The following LARGE1 variants were observed in gnomAD, a reference collection of about 807,000 sequenced individuals.
The protein encoded by LARGE1 is xylosyl- and glucuronyltransferase LARGE1.
In LARGE1, 43 loss-of-function variants were observed where a neutral mutation model predicts 87.6. That is an observed-to-expected ratio of 0.49 (90% confidence interval 0.38 to 0.63). The LOEUF is 0.63. Among genes scored for constraint, LARGE1 ranks in the 30% least tolerant of loss-of-function variants. The pLI is 0.00. For synonymous variants in LARGE1, 434 were observed against 394.6 expected (o/e 1.10, Z -1.18); for missense variants, 802 against 1,000.2 (o/e 0.80, Z 2.67).
intron 6 of LARGE1, among the ~76,000 whole-genome samples, chr22:33,449,137 T>C (rs1336219823): frequency 6.6e-6 from 1 of 152,208 alleles, no homozygotes; most frequent in East Asian, 1.9e-4. Context: ...TACCATAATT[T>C]GAGTGGAATC....
At position 33,183,620 on chromosome 22, in the gene LARGE1, G is replaced by GCACACACACACACACA. The variant is rs56262703; in HGVS notation, c.1731-16804_1731-16789dup. Among the ~76,000 whole-genome samples, 156 of 137,908 alleles carry GCACACACACACACACA rather than the reference G, an allele frequency of 1.1e-3. 1 individual carries two copies. Among genetic ancestry groups the GCACACACACACACACA allele is most frequent in the African/African-American group, 4.5e-3 (152 of 34,120 alleles). The allele number at this position is 137,908 out of a possible 152,430, so 90.5% of individuals were successfully genotyped here. ...GGATAAAACACACACACACACACAC[G>GCACACACACACACACA]CACACACACACACACACACACACAC... On this transcript the variant is annotated intron_variant, in intron 11 of 11. Transcript: ENST00000608642.
intron 1 of LARGE1, among the ~76,000 whole-genome samples, chr22:33,833,799 T>G (rs1362551707): frequency 6.6e-6 from 1 of 152,222 alleles, no homozygotes; most frequent in Non-Finnish European, 1.5e-5. Flanking sequence ...ACGATTCTCC[T>G]GCCTCAGCCT....
intron 1 of LARGE1, among the ~76,000 whole-genome samples, chr22:33,840,087 C>T (rs1172851719): frequency 1.3e-5 from 2 of 152,054 alleles, no homozygotes; most frequent in Non-Finnish European, 1.5e-5. Flanking sequence ...CTATGTAAAC[C>T]AACACAGGAA....
intron 11 of LARGE1, among the ~76,000 whole-genome samples, chr22:33,213,249 G>A (rs1401894556): frequency 6.6e-6 from 1 of 152,154 alleles, no homozygotes; most frequent in Non-Finnish European, 1.5e-5. Context: ...TGGATAACGC[G>A]TTGCTTCTTA....
chr22:33,576,915 T>C (rs1366389596), intron 5 of LARGE1, among the ~76,000 whole-genome samples: 2 of 152,214 alleles, frequency 1.3e-5, no homozygotes, highest in Non-Finnish European at 2.9e-5. Context: ...TCAGTTCAGG[T>C]GTAACCCATC....
chr22:33,501,532 C>T (rs1391421708), intron 6 of LARGE1, among the ~76,000 whole-genome samples: 1 of 152,186 alleles, frequency 6.6e-6, no homozygotes, highest in East Asian at 1.9e-4. Context: ...CCTGAAACTG[C>T]CCACTGGCAG....
Position 33,872,359 on chromosome 22 carries a change from C to CTATTATTATTAT in LARGE1, c.-83+47624_-83+47635dup, listed in dbSNP as rs3072360. 2.6e-4 allele frequency among the ~76,000 whole-genome samples: 37 copies of CTATTATTATTAT among 142,788 alleles called. No individual in the cohort carries two copies. In the East Asian group the frequency reaches 2.9e-3, roughly 11 times the overall value. The allele number at this position is 142,788 out of a possible 152,430, so 93.7% of individuals were successfully genotyped here. On this transcript the variant is annotated intron_variant, in intron 1 of 14. Coordinates refer to ENST00000397394, the MANE Select transcript of LARGE1 (RefSeq NM_133642.5). ...AGAGCAGACACGCAGTAAATGCTAT[C>CTATTATTATTAT]TATTATTATTATTATTATTATTATT...
chr22:33,438,965 C>G (rs929420233), intron 6 of LARGE1, among the ~76,000 whole-genome samples: 4 of 152,094 alleles, frequency 2.6e-5, no homozygotes, highest in Admixed American at 2.0e-4. Context: ...AATCCCAGCA[C>G]TTTGGGAGGC....
intron 11 of LARGE1, among the ~76,000 whole-genome samples, chr22:33,230,162 C>T (rs1925937166): frequency 6.6e-6 from 1 of 151,856 alleles, no homozygotes; most frequent in Admixed American, 6.6e-5. Context: ...CAGGAGTGCA[C>T]CACCACGCCC....
At chr22:33,547,482 C>A (rs2077393917) in intron 6 of LARGE1, among the ~76,000 whole-genome samples, 1 of 152,104 alleles carries the variant, frequency 6.6e-6, no homozygotes, top group South Asian at 2.1e-4. Flanking sequence ...GGTTTGGGAA[C>A]CCCTGGTCTA....
chr22:33,501,809 G>T (rs1283859880), intron 6 of LARGE1, among the ~76,000 whole-genome samples: 1 of 152,164 alleles, frequency 6.6e-6, no homozygotes, highest in Admixed American at 6.5e-5. Context: ...TGACATGGAC[G>T]TTAGCTACAC....
intron 2 of LARGE1, among the ~76,000 whole-genome samples, chr22:33,709,786 C>G (rs975315521): frequency 2.0e-5 from 3 of 151,766 alleles, no homozygotes; most frequent in African/African-American, 7.3e-5. Context: ...CCACCAAGCC[C>G]AGCTAATTTT....
intron 2 of LARGE1, among the ~76,000 whole-genome samples, chr22:33,671,354 C>T (rs2081407190): frequency 6.6e-6 from 1 of 152,162 alleles, no homozygotes; most frequent in African/African-American, 2.4e-5. Context: ...TAGAGAATGG[C>T]CTGCAATTAC....
intron 7 of LARGE1, among the ~76,000 whole-genome samples, chr22:33,415,790 GACA>G (rs989732026): frequency 3.3e-5 from 5 of 152,182 alleles, no homozygotes; most frequent in African/African-American, 1.2e-4. Flanking sequence ...TCAGGGTCAA[GACA>G]TAAATGGAGA....
intron 6 of LARGE1, among the ~76,000 whole-genome samples, chr22:33,475,909 G>A (rs2069057786): frequency 6.6e-6 from 1 of 152,146 alleles, no homozygotes; most frequent in African/African-American, 2.4e-5. Flanking sequence ...GTCTGTGAAA[G>A]GAAAATAAAT....
downstream of LARGE1, among the ~76,000 whole-genome samples, chr22:33,158,442 T>C (rs1304282407): frequency 6.6e-6 from 1 of 152,204 alleles, no homozygotes; most frequent in Non-Finnish European, 1.5e-5. Context: ...CTTAGGTTGT[T>C]GGCCTCAGAC....
chr22:33,428,133 T>A lies in LARGE1; in HGVS notation c.892+4028A>T, dbSNP rs146946122. ...CTTGGGAGACCTTAGCAAACCCCAG[T>A]CAATCACATAACCTCCTTTTTCCAG... On this transcript the variant is annotated intron_variant, in intron 7 of 14. Coordinates refer to ENST00000397394, the MANE Select transcript of LARGE1 (RefSeq NM_133642.5). Among the ~76,000 whole-genome samples, 651 of 152,216 alleles carry A rather than the reference T, an allele frequency of 4.3e-3. 7 individuals carry two copies. Among genetic ancestry groups the A allele is most frequent in the African/African-American group, 0.015 (615 of 41,522 alleles).
At chr22:33,390,981 A>G (rs2147203670) in intron 7 of LARGE1, among the ~76,000 whole-genome samples, 1 of 152,022 alleles carries the variant, frequency 6.6e-6, no homozygotes, top group East Asian at 1.9e-4. Flanking sequence ...ACAGGTGTAA[A>G]CCACCACACC....
chr22:33,203,091 C>G (rs5007857), intron 11 of LARGE1, among the ~76,000 whole-genome samples: 27,273 of 137,900 alleles, frequency 0.2, 2,646 homozygotes, highest in Middle Eastern at 0.34. Flanking sequence ...CTCTCTCTCT[C>G]TCTCTCTCTC....
Sources: allele counts gnomAD v4.1 joint callset (sites outside exome capture counted in the v4.1 genomes callset), GRCh38; gene constraint gnomAD v4.1.1; transcripts MANE v1.5; gene names NCBI Gene and HGNC (gene_info 2026-07-23, HGNC 2026-07-21).